SUN3: variants seen among roughly 807,000 people sequenced by gnomAD.
The protein encoded by SUN3 is SUN domain-containing protein 3.
In SUN3, 36 loss-of-function variants were observed where a neutral mutation model predicts 48.2. The ratio of observed to expected loss-of-function variants is 0.75; its 90% CI spans 0.57 to 0.99. The LOEUF is 0.99. Among genes scored for constraint, SUN3 ranks in the 50% least tolerant of loss-of-function variants. The probability of loss-of-function intolerance (pLI) is 0.00; values close to 1 mark genes in which losing one functional copy is unlikely to be tolerated. For missense variants in SUN3, 419 were observed against 433.1 expected (o/e 0.97, Z 0.29); for synonymous variants, 148 against 147.9 (o/e 1.00, Z 0.00).
chr7:48,035,412 C>T, the SUN3 span: 1 of 659,590 alleles, frequency 1.5e-6, no homozygotes, highest in African/African-American at 1.8e-5. This position sits in a 1 kb window ranked among gnomAD's most constrained non-coding sequence, Gnocchi z 4.0. Context: ...GCTTCCTGCC[C>T]TGATTGGCCC....
chr7:48,015,262 A>G (rs985688545), intron 3 of SUN3, among the ~76,000 whole-genome samples: 15 of 152,122 alleles, frequency 9.9e-5, no homozygotes, highest in African/African-American at 3.6e-4. Context: ...AACCTCGTGG[A>G]GTAGGAGCTA....
chr7:47,992,119 A>G (rs1488770429), intron 8 of SUN3, among the ~76,000 whole-genome samples: 1 of 152,128 alleles, frequency 6.6e-6, no homozygotes, highest in Non-Finnish European at 1.5e-5. Context: ...CTCCCGACGA[A>G]ATGGCCCGAC....
chr7:47,989,470 A>G (rs1252198332), intron 8 of SUN3, among the ~76,000 whole-genome samples: 2 of 152,208 alleles, frequency 1.3e-5, no homozygotes, highest in Non-Finnish European at 2.9e-5. Context: ...CAAATTGAAG[A>G]TTTGTGAGAG....
intron 5 of SUN3, among the ~76,000 whole-genome samples, chr7:48,006,335 C>T (rs1202414436): frequency 2.0e-5 from 3 of 152,066 alleles, no homozygotes; most frequent in Admixed American, 2.0e-4. Context: ...TTCTGAAGCC[C>T]TAACCACTGG....
At chr7:48,002,545 G>C (rs948038150) in intron 6 of SUN3, among the ~76,000 whole-genome samples, 1 of 152,086 alleles carries the variant, frequency 6.6e-6, no homozygotes, top group African/African-American at 2.4e-5. Flanking sequence ...TTAAGTGTCT[G>C]TTCATGTCCT....
chr7:48,029,875 TTC>T (rs1242742488), upstream of SUN3, among the ~76,000 whole-genome samples: 1 of 152,208 alleles, frequency 6.6e-6, no homozygotes, highest in Non-Finnish European at 1.5e-5. Flanking sequence ...TTATCTTCAT[TTC>T]TCTGTTTTTT....
At chr7:48,034,259 A>G in the SUN3 span, among the ~76,000 whole-genome samples, 3,964 of 152,228 alleles carry the variant, frequency 0.026, 168 homozygotes, top group African/African-American at 0.09. Context: ...TCATTATGAT[A>G]TTATATTAGA....
At chr7:47,995,418 T>C (rs1789183646) in intron 7 of SUN3, among the ~76,000 whole-genome samples, 1 of 152,164 alleles carries the variant, frequency 6.6e-6, no homozygotes, top group Non-Finnish European at 1.5e-5. Context: ...TGAGGTCTAC[T>C]ACTTTGTAGA....
the SUN3 span, among the ~76,000 whole-genome samples, chr7:48,035,305 C>G: frequency 2.0e-5 from 3 of 152,184 alleles, no homozygotes; most frequent in Non-Finnish European, 2.9e-5. This position sits in a 1 kb window ranked among gnomAD's most constrained non-coding sequence, Gnocchi z 4.0. Flanking sequence ...GCTCCCACCC[C>G]CGCTGCGTCC....
At chr7:48,015,784 G>A (rs1480573385) in intron 3 of SUN3, among the ~76,000 whole-genome samples, 2 of 152,124 alleles carry the variant, frequency 1.3e-5, no homozygotes, top group Non-Finnish European at 2.9e-5. Flanking sequence ...AGACCTATCC[G>A]ACTCCATCAT....
chr7:48,017,255 A>G lies in SUN3; in HGVS notation c.288+7T>C. Reference sequence around the variant, plus strand: ...GTGATATACAAAATTACTTAACAAAATATCACCTGATATTTATAAAGCCTT... The same window carrying G: ...GTGATATACAAAATTACTTAACAAAGTATCACCTGATATTTATAAAGCCTT... On this transcript the variant is annotated splice_region_variant and intron_variant, in intron 3 of 9. Transcript: ENST00000297325. The G allele has an allele frequency of 6.7e-7, 1 of 1,496,866 alleles. No homozygotes were observed. The highest frequency in any genetic ancestry group is 9.2e-7 in the Non-Finnish European group (1 of 1,087,186). The allele number at this position is 1,496,866 out of a possible 1,614,324, so 92.7% of individuals were successfully genotyped here.
At chr7:48,015,177 A>T (rs11974520) in intron 3 of SUN3, among the ~76,000 whole-genome samples, 7,448 of 152,258 alleles carry the variant, frequency 0.049, 616 homozygotes, top group African/African-American at 0.17. Flanking sequence ...CTGCGTGCTC[A>T]TCTCTGCTTT....
At chr7:48,019,494 A>T (rs1789906880) in intron 2 of SUN3, among the ~76,000 whole-genome samples, 1 of 152,158 alleles carries the variant, frequency 6.6e-6, no homozygotes, top group African/African-American at 2.4e-5. Flanking sequence ...AATACAAAAG[A>T]TCAATGGAAC....
rs374822470 is a variant in SUN3 at position 48,028,964 on chromosome 7, T to C, written c.-26A>G. On this transcript the variant is annotated 5_prime_UTR_variant, in exon 1 of 10. Transcript: ENST00000297325. ...GATCCCCTACCAAAGAACAAACAGC[T>C]GGTAGGATGAAGAGCAACATTTGTC... 29 of 1,613,380 alleles carry C rather than the reference T, an allele frequency of 1.8e-5. No individual in the cohort carries two copies. Among genetic ancestry groups the C allele is most frequent in the Non-Finnish European group, 2.4e-5 (28 of 1,179,690 alleles).
rs1419342966 is a variant in SUN3 at position 48,020,363 on chromosome 7, T to C, written c.185-2998A>G. ...GACAGATCCACAGCTGGTATCACAC[T>C]GAATGGGAACAAACTGAAAGCCTTT... is the stretch of plus-strand genomic sequence containing the variant. On this transcript the variant is annotated intron_variant, in intron 2 of 9. Coordinates refer to ENST00000297325, the MANE Select transcript of SUN3 (RefSeq NM_001030019.2). Among the ~76,000 whole-genome samples, 3 of 152,152 alleles carry C rather than the reference T, an allele frequency of 2.0e-5. No homozygotes were observed. The East Asian group carries it at 5.8e-4, about 29-fold the overall frequency.
chr7:48,009,098 A>T, intron 3 of SUN3, 23 bp from the exon 4 acceptor site: 1 of 1,600,560 alleles, frequency 6.2e-7, no homozygotes, highest in Non-Finnish European at 8.5e-7. Context: ...GAAAAAGATA[A>T]ATCATTCTGA....
At chr7:48,027,762 AG>A (rs1474554688) in intron 1 of SUN3, among the ~76,000 whole-genome samples, 1 of 152,164 alleles carries the variant, frequency 6.6e-6, no homozygotes, top group Non-Finnish European at 1.5e-5. Context: ...CCAACTAAGA[AG>A]AGAATTTTCT....
At chr7:47,991,064 T>TA (rs1328701772) in intron 8 of SUN3, 2 of 454,822 alleles carry the variant, frequency 4.4e-6, no homozygotes. Flanking sequence ...AAAGTTAAAA[T>TA]AAAAAACAAA....
At chr7:47,990,787 C>T (rs192409816) in intron 8 of SUN3, among the ~76,000 whole-genome samples, 14 of 150,458 alleles carry the variant, frequency 9.3e-5, no homozygotes, top group Admixed American at 2.7e-4. Context: ...AGAACAAGAT[C>T]GTGTCCTTTG....
Sources: gnomAD v4.1 joint callset for allele counts (sites outside exome capture counted in the v4.1 genomes callset) on GRCh38, gnomAD v4.1.1 for gene constraint, Gnocchi (gnomAD v3.1) non-coding constraint, MANE v1.5 for transcripts, NCBI Gene and HGNC (gene_info 2026-07-23, HGNC 2026-07-21) for gene names.